DENND5B: variants seen among roughly 807,000 people sequenced by gnomAD.
DENND5B encodes the protein DENN domain-containing protein 5B.
A neutral mutation model predicts 140.6 loss-of-function variants in DENND5B; 34 were observed. That is an observed-to-expected ratio of 0.24 (90% confidence interval 0.18 to 0.32). The LOEUF is 0.32. Among genes scored for constraint, DENND5B ranks in the 10% least tolerant of loss-of-function variants. The pLI is 1.00. For missense variants in DENND5B, 1,142 were observed against 1,560.2 expected (o/e 0.73, Z 4.52); for synonymous variants, 551 against 562.1 (o/e 0.98, Z 0.28).
chr12:31,564,411 A>G (rs1425912916), intron 1 of DENND5B, among the ~76,000 whole-genome samples: 3 of 152,008 alleles, frequency 2.0e-5, no homozygotes, highest in Admixed American at 6.6e-5. Flanking sequence ...TTAAGAGTCC[A>G]TGAATATTTC....
chr12:31,434,266 T>C (rs931328686), intron 7 of DENND5B, among the ~76,000 whole-genome samples: 1 of 152,222 alleles, frequency 6.6e-6, no homozygotes, highest in Non-Finnish European at 1.5e-5. Context: ...TTCTCTCTGA[T>C]CTTATATCAC....
At chr12:31,494,211 CCTACCTACCTCT>C (rs1946672400) in intron 2 of DENND5B, among the ~76,000 whole-genome samples, 4 of 80,676 alleles carry the variant, frequency 5.0e-5, no homozygotes, top group Middle Eastern at 0.015. Context: ...CACCTACCTA[CCTACCTACCTCT>C]ACCTACCTAC....
intron 2 of DENND5B, among the ~76,000 whole-genome samples, chr12:31,492,107 A>G (rs1457995391): frequency 6.6e-6 from 1 of 152,208 alleles, no homozygotes; most frequent in South Asian, 2.1e-4. Flanking sequence ...AGTACAAGCA[A>G]ATCCTTTTAG....
At chr12:31,540,090 T>TA (rs1349122428) in intron 1 of DENND5B, among the ~76,000 whole-genome samples, 6 of 151,768 alleles carry the variant, frequency 4.0e-5, no homozygotes, top group African/African-American at 1.5e-4. Flanking sequence ...GCAAACAATC[T>TA]AAAAAAGAAA....
intron 1 of DENND5B, among the ~76,000 whole-genome samples, chr12:31,579,430 G>A (rs899212776): frequency 6.6e-6 from 1 of 152,088 alleles, no homozygotes; most frequent in Non-Finnish European, 1.5e-5. Flanking sequence ...GGGTAGCCGA[G>A]GGGGGTGATC....
intron 1 of DENND5B, among the ~76,000 whole-genome samples, chr12:31,530,527 C>T (rs1000740856): frequency 1.3e-5 from 2 of 152,172 alleles, no homozygotes; most frequent in Admixed American, 6.5e-5. Context: ...ATTATTCCAA[C>T]ATAGTTTAAA....
chr12:31,589,801 G>C (rs187117203), intron 1 of DENND5B: 4 of 152,250 alleles, frequency 2.6e-5, no homozygotes, highest in African/African-American at 9.6e-5. Context: ...GAACAGGCGT[G>C]AAAAATGAAA....
intron 17 of DENND5B, among the ~76,000 whole-genome samples, chr12:31,393,295 T>A (rs1941248991): frequency 6.6e-6 from 1 of 152,134 alleles, no homozygotes; most frequent in Non-Finnish European, 1.5e-5. Context: ...GTTTGAAGAT[T>A]TGCTGTTGTG....
At chr12:31,555,256 T>C (rs567889863) in intron 1 of DENND5B, among the ~76,000 whole-genome samples, 1 of 152,328 alleles carries the variant, frequency 6.6e-6, no homozygotes, top group African/African-American at 2.4e-5. Flanking sequence ...TTCTGTTTGC[T>C]AGTTTTCCTT....
chr12:31,460,290 A>C lies in DENND5B; in HGVS notation c.996T>G (p.Ala332=), dbSNP rs374309295. ...GAGCATCAAGAAAATGTAGCAGAGA[A>C]GCAGGTAGAATGGGCACATAAACAT... is the stretch of plus-strand genomic sequence containing the variant. ...WQHVYVPILP[A]SLLHFLDAPV... is the part of the protein sequence containing the mutation. Residue 332 remains alanine, a synonymous_variant, in exon 4 of 21, where the codon GCT becomes GCG. Coordinates refer to ENST00000389082, the MANE Select transcript of DENND5B (RefSeq NM_144973.4). 38 of 1,613,914 alleles carry C rather than the reference A, an allele frequency of 2.4e-5. No homozygotes were observed. The African/African-American group carries it at 4.9e-4, about 21-fold the overall frequency.
At chr12:31,445,190 C>A (rs1296203413) in intron 6 of DENND5B, among the ~76,000 whole-genome samples, 1 of 152,142 alleles carries the variant, frequency 6.6e-6, no homozygotes, top group African/African-American at 2.4e-5. Context: ...AAGGACCAGG[C>A]ATAATTGTAT....
rs141498070 is a variant in DENND5B, at chr12:31,520,049, T to C, written c.128-24130A>G. Among the ~76,000 whole-genome samples, 69 of 152,344 alleles carry C rather than the reference T, an allele frequency of 4.5e-4. 1 individual carries two copies. In the Middle Eastern group the frequency reaches 0.017, roughly 38 times the overall value. ...ACTGGAACATGGCAAAAAAATTTTA[T>C]AGTGTTTAGGCAATAAATGAAAACC... On this transcript the variant is annotated intron_variant, in intron 1 of 20. Transcript: ENST00000389082.
At chr12:31,414,625 G>T (rs1942625439) in intron 12 of DENND5B, among the ~76,000 whole-genome samples, 1 of 152,000 alleles carries the variant, frequency 6.6e-6, no homozygotes, top group African/African-American at 2.4e-5. Context: ...TTTGAGGCCA[G>T]CCTGGGCAAT....
At chr12:31,540,822 A>G (rs746330319) in intron 1 of DENND5B, 32 of 196,764 alleles carry the variant, frequency 1.6e-4, no homozygotes, top group Non-Finnish European at 2.6e-4. Context: ...AGAGTAACCA[A>G]AACAGGATGA....
intron 1 of DENND5B, among the ~76,000 whole-genome samples, chr12:31,569,636 T>C (rs1468325080): frequency 1.3e-5 from 2 of 151,692 alleles, no homozygotes; most frequent in Non-Finnish European, 2.9e-5. Flanking sequence ...TGGTGAACCC[T>C]GTCTCTATTA....
chr12:31,516,209 G>A (rs147052227), intron 1 of DENND5B, among the ~76,000 whole-genome samples: 110 of 152,060 alleles, frequency 7.2e-4, no homozygotes, highest in Non-Finnish European at 1.4e-3. Context: ...GGGTGGGCAC[G>A]GTGGCTCGCG....
At chr12:31,397,824 T>G (rs967893081) in intron 17 of DENND5B, among the ~76,000 whole-genome samples, 5 of 151,948 alleles carry the variant, frequency 3.3e-5, no homozygotes, top group African/African-American at 7.3e-5. Context: ...CTTGGAAAGC[T>G]GAGGTGGGAG....
intron 1 of DENND5B, among the ~76,000 whole-genome samples, chr12:31,538,658 G>C (rs1948584498): frequency 2.0e-5 from 3 of 152,128 alleles, no homozygotes; most frequent in Admixed American, 2.0e-4. Context: ...CTTGATGTCA[G>C]GAGTTCAAGA....
intron 1 of DENND5B, among the ~76,000 whole-genome samples, chr12:31,528,051 C>T (rs749314561): frequency 6.6e-6 from 1 of 152,164 alleles, no homozygotes; most frequent in Non-Finnish European, 1.5e-5. Context: ...GACTGAAATC[C>T]TAAACAGGAG....
Sources: gnomAD v4.1 joint callset for allele counts (sites outside exome capture counted in the v4.1 genomes callset) on GRCh38, gnomAD v4.1.1 for gene constraint, MANE v1.5 for transcripts, NCBI Gene and HGNC (gene_info 2026-07-23, HGNC 2026-07-21) for gene names.